Variants in CREB5 observed in about 807,000 individuals in gnomAD.
CREB5 encodes cAMP responsive element binding protein 5.
Under a neutral mutation model 57.1 loss-of-function variants are expected in CREB5, and 19 were observed. The observed-to-expected ratio is 0.33, with a 90% CI of 0.23 to 0.49. The LOEUF is 0.49. Among genes scored for constraint, CREB5 ranks in the 20% least tolerant of loss-of-function variants. CREB5 has a pLI of 0.99. For missense variants in CREB5, 579 were observed against 671.6 expected (o/e 0.86, Z 1.52); for synonymous variants, 238 against 238.3 (o/e 1.00, Z 0.01).
chr7:28,479,499 A>G (rs898015274), intron 1 of CREB5, among the ~76,000 whole-genome samples: 1 of 152,234 alleles, frequency 6.6e-6, no homozygotes, highest in Non-Finnish European at 1.5e-5. Flanking sequence ...TTCAGATGGC[A>G]TGAGATTTTT....
intron 1 of CREB5, 100 bp from the exon 2 acceptor site, chr7:28,488,075 A>G: frequency 1.0e-6 from 1 of 1,002,256 alleles, no homozygotes; most frequent in Admixed American, 1.8e-5. Context: ...TGGCATAGAA[A>G]GGGGGCTCTG....
chr7:28,794,785 C>T (rs1242061753), intron 7 of CREB5, among the ~76,000 whole-genome samples: 1 of 152,122 alleles, frequency 6.6e-6, no homozygotes, highest in African/African-American at 2.4e-5. Flanking sequence ...TGTCTCTGCC[C>T]AGAAGTTGAA....
intron 1 of CREB5, among the ~76,000 whole-genome samples, chr7:28,451,999 C>T (rs1437324065): frequency 6.6e-6 from 1 of 152,200 alleles, no homozygotes; most frequent in Non-Finnish European, 1.5e-5. Context: ...TAGCTGCCAG[C>T]TCCCTTTACC....
rs146751754 is a variant in CREB5, at chr7:28,552,091, G to A, written c.292-18274G>A. ...TCATCTCACTCTGTCTCCCAGGCTG[G>A]AGTGCAATGGTGCAATCTCAGCTCA... is the stretch of plus-strand genomic sequence containing the variant. On this transcript the variant is annotated intron_variant, in intron 4 of 10. Coordinates refer to ENST00000357727, the MANE Select transcript of CREB5 (RefSeq NM_182898.4). 2.7e-4 allele frequency among the ~76,000 whole-genome samples: 40 copies of A among 146,350 alleles called. No homozygotes were observed. The East Asian group carries it at 7.5e-3, about 28-fold the overall frequency.
chr7:28,750,427 G>A (rs1804916156), intron 7 of CREB5, among the ~76,000 whole-genome samples: 1 of 152,174 alleles, frequency 6.6e-6, no homozygotes, highest in African/African-American at 2.4e-5. Flanking sequence ...ATAGAATGGA[G>A]TTGTCTGGGC....
At chr7:28,378,758 C>T (rs1186915372) in intron 1 of CREB5, among the ~76,000 whole-genome samples, 1 of 152,238 alleles carries the variant, frequency 6.6e-6, no homozygotes, top group Non-Finnish European at 1.5e-5. Context: ...GGCAATGATT[C>T]ATCAAGTAGT....
chr7:28,539,901 G>T (rs1461800621), intron 4 of CREB5, among the ~76,000 whole-genome samples: 2 of 152,116 alleles, frequency 1.3e-5, no homozygotes, highest in South Asian at 4.1e-4. Flanking sequence ...GCCCACCATC[G>T]CCTAAGTTGT....
intron 7 of CREB5, among the ~76,000 whole-genome samples, chr7:28,738,943 G>A (rs565620054): frequency 1.3e-5 from 2 of 152,236 alleles, no homozygotes; most frequent in Admixed American, 6.5e-5. Context: ...TATTACACCT[G>A]GTTCTCAGAG....
intron 1 of CREB5, among the ~76,000 whole-genome samples, chr7:28,446,544 G>T (rs1237009240): frequency 2.0e-5 from 3 of 152,138 alleles, no homozygotes; most frequent in Non-Finnish European, 4.4e-5. Flanking sequence ...TGTAATCCCA[G>T]CACTTTGAGA....
At chr7:28,439,819 A>G (rs1789110353) in intron 1 of CREB5, among the ~76,000 whole-genome samples, 1 of 152,158 alleles carries the variant, frequency 6.6e-6, no homozygotes, top group African/African-American at 2.4e-5. Context: ...AGAATTTATC[A>G]AGTTGCATTA....
intron 1 of CREB5, among the ~76,000 whole-genome samples, chr7:28,373,058 G>A (rs10245527): frequency 0.45 from 68,435 of 151,994 alleles, 17,432 homozygotes; most frequent in East Asian, 0.71. Flanking sequence ...TCTGGGCCTC[G>A]GTTTCCTCAC....
intron 7 of CREB5, among the ~76,000 whole-genome samples, chr7:28,790,421 A>G (rs1042496600): frequency 8.3e-6 from 1 of 120,746 alleles, no homozygotes; most frequent in Non-Finnish European, 1.7e-5. Context: ...AGCAGAAGAA[A>G]GAAAGAAAGA....
chr7:28,377,591 A>G (rs908594291), intron 1 of CREB5, among the ~76,000 whole-genome samples: 1 of 151,930 alleles, frequency 6.6e-6, no homozygotes, highest in African/African-American at 2.4e-5. Context: ...TAAAGGGTAG[A>G]CTTCTCAGGT....
chr7:28,695,419 C>T (rs1801499432), intron 5 of CREB5, among the ~76,000 whole-genome samples: 1 of 152,116 alleles, frequency 6.6e-6, no homozygotes, highest in South Asian at 2.1e-4. Context: ...TTTTTGAATT[C>T]TGACTCCTGG....
intron 5 of CREB5, among the ~76,000 whole-genome samples, chr7:28,626,198 T>C (rs1797992006): frequency 6.6e-6 from 1 of 152,228 alleles, no homozygotes; most frequent in Non-Finnish European, 1.5e-5. Context: ...CCTTAAAAGA[T>C]TGCTTCTTGT....
intron 5 of CREB5, among the ~76,000 whole-genome samples, chr7:28,663,379 G>C (rs930294338): frequency 1.3e-5 from 2 of 151,794 alleles, no homozygotes; most frequent in Non-Finnish European, 1.5e-5. Context: ...TAATTTTTGT[G>C]GGTTTTGTAG....
At chr7:28,682,357 G>A (rs1171773873) in intron 5 of CREB5, among the ~76,000 whole-genome samples, 1 of 152,196 alleles carries the variant, frequency 6.6e-6, no homozygotes, top group East Asian at 1.9e-4. Flanking sequence ...AGGTCGAAGG[G>A]AATGCTGAAT....
intron 5 of CREB5, among the ~76,000 whole-genome samples, chr7:28,686,760 G>A (rs765081752): frequency 6.6e-6 from 1 of 152,184 alleles, no homozygotes; most frequent in Non-Finnish European, 1.5e-5. Context: ...CAATTGCAGT[G>A]ACTGTAACCG....
At position 28,819,269 on chromosome 7, in the gene CREB5, C is replaced by A. The variant is rs370060119; in HGVS notation, c.1517C>A (p.Pro506Gln). The change falls in exon 11 of 11, where the codon CCG becomes CAG. Residue 506 changes from proline to glutamine, a missense_variant. By Grantham distance (76) the Pro-to-Gln change is moderately conservative. Transcript: ENST00000357727. The stretch of plus-strand genomic sequence containing the variant: ...ACCACTCACAGAACAGACCTGAATC[C>A]GATTCTTTAAAATGCACCATCAGAC... ...QLTTHRTDLNPIL is the reference protein window; with the variant it reads ...QLTTHRTDLNQIL The A allele has an allele frequency of 1.2e-6, 2 of 1,612,984 alleles. No homozygotes were observed. Among genetic ancestry groups the A allele is most frequent in the South Asian group, 1.1e-5 (1 of 90,946 alleles).
Sources: allele counts gnomAD v4.1 joint callset (sites outside exome capture counted in the v4.1 genomes callset), GRCh38; gene constraint gnomAD v4.1.1; transcripts MANE v1.5; gene names NCBI Gene and HGNC (gene_info 2026-07-23, HGNC 2026-07-21).